The following ACAN variants were observed in gnomAD, a reference collection of about 807,000 sequenced individuals.
ACAN encodes the protein aggrecan core protein.
Under a neutral mutation model 169.1 loss-of-function variants are expected in ACAN, and 47 were observed. That is an observed-to-expected ratio of 0.28 (90% CI 0.22 to 0.35). The LOEUF is 0.35. ACAN is among the 10% of genes least tolerant of loss of function. The pLI is 1.00. For missense variants in ACAN, 2,716 were observed against 2,759.9 expected, an observed-to-expected ratio of 0.98 and a Z score of 0.36; for synonymous variants, 1,115 against 1,112.2, an observed-to-expected ratio of 1.00 and a Z score of -0.05.
chr15:88,825,474 TTA>T (rs1896190986), intron 1 of ACAN, among the ~76,000 whole-genome samples: 1 of 152,186 alleles, frequency 6.6e-6, no homozygotes, highest in African/African-American at 2.4e-5. Context: ...AGATAGTACA[TTA>T]TGAGTCAAAG....
In ACAN at chr15:88,814,387, G is replaced by A. The variant is rs1264563018; in HGVS notation, c.-8+10578G>A. ...ATGACTGCCTCCTCTTGCCCAAACT[G>A]AAGTTTCTCAGCTGCTTTTCTGCCT... On this transcript the variant is annotated intron_variant, in intron 1 of 18. Transcript: ENST00000560601. The surrounding 1 kb of genome is among the most constrained non-coding windows in gnomAD (Gnocchi z 4.0). Among the ~76,000 whole-genome samples, 1 of 152,160 alleles carries A rather than the reference G, an allele frequency of 6.6e-6. No individual in the cohort carries two copies. The highest frequency in any genetic ancestry group is 6.5e-5 in the Admixed American group (1 of 15,284).
intron 7 of ACAN, 64 bp from the exon 8 acceptor site, chr15:88,847,179 A>C: frequency 6.9e-7 from 1 of 1,454,592 alleles, no homozygotes; most frequent in Non-Finnish European, 9.2e-7. Context: ...CTCTGTGCCC[A>C]TGGAGCCTTG....
chr15:88,805,205 G>C (rs1451257493), intron 1 of ACAN, among the ~76,000 whole-genome samples: 1 of 152,110 alleles, frequency 6.6e-6, no homozygotes, highest in Non-Finnish European at 1.5e-5. Flanking sequence ...ATGCACCCTG[G>C]GCAAGGTGGG....
chr15:88,812,410 G>A (rs758813421), intron 1 of ACAN, among the ~76,000 whole-genome samples: 8 of 152,184 alleles, frequency 5.3e-5, no homozygotes, highest in Non-Finnish European at 7.3e-5. Context: ...GATTGCAGAG[G>A]CATTTAGAAG....
Position 88,873,036 on chromosome 15 carries a change from G to T in ACAN, c.7447+11G>T. On this transcript the variant is annotated intron_variant, in intron 17 of 18. Transcript: ENST00000560601. The surrounding 1 kb of genome is among the most constrained non-coding windows in gnomAD (Gnocchi z 7.5). ...GTAAAAAGGGCACAGGTAAGCTGGC[G>T]CCTGGGAGGGGTCAGGGGAGGATAG... The T allele has an allele frequency of 6.2e-7, 1 of 1,610,638 alleles. No homozygotes were observed. Among genetic ancestry groups the T allele is most frequent in the Non-Finnish European group, 8.5e-7 (1 of 1,178,454 alleles).
chr15:88,833,571 A>G (rs981168697), intron 1 of ACAN, among the ~76,000 whole-genome samples: 20 of 152,166 alleles, frequency 1.3e-4, no homozygotes, highest in African/African-American at 4.3e-4. Context: ...CTTGGAAGCC[A>G]GACAGAATGG....
rs545522739 is a variant in ACAN at position 88,860,309 on chromosome 15, T to C, written c.6833-17T>C. 3 of 1,580,476 alleles carry C rather than the reference T, an allele frequency of 1.9e-6. No homozygotes were observed. The highest frequency in any genetic ancestry group is 3.5e-5 in the Admixed American group (2 of 57,416). ...GACTGTGTTCTTGATGCTCAACCTCTCCCCTGGGGGTTGCAGCCCCCGCCA... is the reference window on the plus strand; with the variant it reads ...GACTGTGTTCTTGATGCTCAACCTCCCCCCTGGGGGTTGCAGCCCCCGCCA... On this transcript the variant is annotated splice_polypyrimidine_tract_variant and intron_variant, in intron 12 of 18. Transcript: ENST00000560601.
rs150643907 is a variant in ACAN at position 88,835,804 on chromosome 15, A to G, written c.-7-396A>G. Among the ~76,000 whole-genome samples, 514 of 152,258 alleles carry G rather than the reference A, an allele frequency of 3.4e-3. 3 individuals carry two copies. The highest frequency in any genetic ancestry group is 0.011 in the South Asian group (54 of 4,826). ...TAGGGAGGACCATCTGCTTTATTCA[A>G]TCTACCAATTCCAATGTCAATCTCA... On this transcript the variant is annotated intron_variant, in intron 1 of 18. Coordinates refer to ENST00000560601, the MANE Select transcript of ACAN (RefSeq NM_001369268.1).
In ACAN at chr15:88,839,975, C is replaced by T; in HGVS notation, c.455-37C>T. ...TCGGTGATCAGAGACTGTGCCTGAC[C>T]AGCTCTTCCGCTTGTGGGCGTGTAT... On this transcript the variant is annotated intron_variant, in intron 3 of 18. Coordinates refer to ENST00000560601, the MANE Select transcript of ACAN (RefSeq NM_001369268.1). The surrounding 1 kb of genome is among the most constrained non-coding windows in gnomAD (Gnocchi z 4.5). The T allele has an allele frequency of 6.4e-7, 1 of 1,571,308 alleles. No individual in the cohort carries two copies.
rs1004257554 is a variant in ACAN at position 88,838,067 on chromosome 15, G to C, written c.71-596G>C. On this transcript the variant is annotated intron_variant, in intron 2 of 18. Coordinates refer to ENST00000560601, the MANE Select transcript of ACAN (RefSeq NM_001369268.1). The surrounding 1 kb of genome is among the most constrained non-coding windows in gnomAD (Gnocchi z 5.1). ...TCGCCTCTCCTGCATCTGACTGTTT[G>C]CACACCAAAAGGTCTGATCTTCTCG... Among the ~76,000 whole-genome samples, 1 of 151,698 alleles carries C rather than the reference G, an allele frequency of 6.6e-6. No homozygotes were observed. The highest frequency in any genetic ancestry group is 1.5e-5 in the Non-Finnish European group (1 of 67,960).
chr15:88,826,254 T>C (rs1488734610), intron 1 of ACAN, among the ~76,000 whole-genome samples: 1 of 152,068 alleles, frequency 6.6e-6, no homozygotes, highest in African/African-American at 2.4e-5. Context: ...GCCCATTTAA[T>C]CAGAAATGAC....
At chr15:88,811,145 G>C (rs1895811010) in intron 1 of ACAN, among the ~76,000 whole-genome samples, 1 of 152,170 alleles carries the variant, frequency 6.6e-6, no homozygotes, top group Admixed American at 6.5e-5. Flanking sequence ...TAGGTGAAAA[G>C]GATCTCATCC....
rs1287073253 is a variant in ACAN at position 88,847,361 on chromosome 15, C to T, written c.1548C>T (p.Ala516=). Residue 516 remains alanine (A), a synonymous_variant, in exon 8 of 19, where the codon GCC becomes GCT. Transcript: ENST00000560601. ...CCTCGCCGGAGCAGCTCCAGGCCGC[C>T]TACGAAGCAGGCTATGAGCAGTGTG... ...VIASPEQLQA[A]YEAGYEQCDA... 1 of 1,591,818 alleles carries T rather than the reference C, an allele frequency of 6.3e-7. No individual in the cohort carries two copies.
In ACAN at chr15:88,872,806, C is replaced by T. The variant is rs892161785; in HGVS notation, c.7303-75C>T. The T allele has an allele frequency of 9.2e-6, 14 of 1,519,280 alleles. No homozygotes were observed. Among genetic ancestry groups the T allele is most frequent in the Middle Eastern group, 4.7e-4 (2 of 4,232 alleles). The allele number at this position is 1,519,280 out of a possible 1,614,324, so 94.1% of individuals were successfully genotyped here. On this transcript the variant is annotated intron_variant, in intron 16 of 18. Transcript: ENST00000560601. This position sits in a 1 kb window ranked among gnomAD's most constrained non-coding sequence, Gnocchi z 5.4. ...GAAAGGAGATGATGAAGAGGCTCCA[C>T]GGGGAAGACAGTCGGAGCAGGCCAA...
At chr15:88,830,288 T>G (rs1312043928) in intron 1 of ACAN, among the ~76,000 whole-genome samples, 1 of 152,244 alleles carries the variant, frequency 6.6e-6, no homozygotes, top group Non-Finnish European at 1.5e-5. Flanking sequence ...CTCATTATCC[T>G]TCCCCAGCCC....
rs1475475649 is a variant in ACAN at position 88,833,733 on chromosome 15, A to C, written c.-7-2467A>C. On this transcript the variant is annotated intron_variant, in intron 1 of 18. Coordinates refer to ENST00000560601, the MANE Select transcript of ACAN (RefSeq NM_001369268.1). The stretch of plus-strand genomic sequence containing the variant: ...ACTCCACCCCTATCCCCCTACCCCC[A>C]CTCTCCTCCCCACCTCTTTTCATTC... Among the ~76,000 whole-genome samples, 262 of 46,676 alleles carry C rather than the reference A, an allele frequency of 5.6e-3. 1 individual carries two copies. The highest frequency in any genetic ancestry group is 0.012 in the African/African-American group (81 of 6,684). 30.6% of individuals were successfully genotyped at this position (46,676 alleles called of 152,430 possible). A position where few individuals can be genotyped will look rare whatever the true frequency, so the allele number is the denominator to read the frequency against.
intron 1 of ACAN, among the ~76,000 whole-genome samples, chr15:88,826,549 G>A (rs988345277): frequency 8.6e-5 from 13 of 151,872 alleles, no homozygotes; most frequent in Admixed American, 2.0e-4. Flanking sequence ...TCCAGGAGTG[G>A]ATCAGGAGTC....
chr15:88,852,159 G>A, intron 11 of ACAN, 126 bp downstream of exon 11: 2 of 1,396,906 alleles, frequency 1.4e-6, no homozygotes, highest in Middle Eastern at 2.3e-4. Context: ...CCTGACACTG[G>A]CTGGGTGTTC....
At chr15:88,829,677 C>A (rs1398084295) in intron 1 of ACAN, among the ~76,000 whole-genome samples, 1 of 152,128 alleles carries the variant, frequency 6.6e-6, no homozygotes, top group Non-Finnish European at 1.5e-5. Context: ...GAATGGGGCA[C>A]CTTGGTCCTT....
Sources: gnomAD v4.1 joint callset for allele counts (sites outside exome capture counted in the v4.1 genomes callset) on GRCh38, gnomAD v4.1.1 for gene constraint, Gnocchi (gnomAD v3.1) non-coding constraint, MANE v1.5 for transcripts, NCBI Gene and HGNC (gene_info 2026-07-23, HGNC 2026-07-21) for gene names.